Variants in TMEM126A observed in about 807,000 individuals in gnomAD.
TMEM126A encodes optic atrophy 7.
A neutral mutation model predicts 18.3 loss-of-function variants in TMEM126A; 10 were observed. The ratio of observed to expected loss-of-function variants is 0.55; its 90% confidence interval spans 0.34 to 0.93. TMEM126A has a LOEUF of 0.93. Ranked by LOEUF, TMEM126A falls within the 40% of genes least tolerant of loss-of-function variation. The pLI is 0.02. For synonymous variants in TMEM126A, 68 were observed against 78.1 expected (o/e 0.87, Z 0.68); for missense variants, 246 against 230.2 (o/e 1.07, Z -0.44).
chr11:85,656,021 T>C (rs1352361928), intron 4 of TMEM126A, among the ~76,000 whole-genome samples: 1 of 152,182 alleles, frequency 6.6e-6, no homozygotes, highest in East Asian at 1.9e-4. Context: ...TTTGAACACT[T>C]GCACTAAAGG....
At chr11:85,652,826 C>T (rs1428050946) in intron 2 of TMEM126A, among the ~76,000 whole-genome samples, 1 of 151,252 alleles carries the variant, frequency 6.6e-6, no homozygotes, top group Non-Finnish European at 1.5e-5. Context: ...ATTATATATA[C>T]ATACAGGCAA....
chr11:85,650,400 C>T (rs571374732), intron 2 of TMEM126A, 59 bp downstream of exon 2: 6 of 1,216,608 alleles, frequency 4.9e-6, no homozygotes, highest in Middle Eastern at 2.0e-4. Context: ...ACCATTGATT[C>T]ATTATCTCAA....
chr11:85,653,005 C>T (rs903841528), intron 2 of TMEM126A, among the ~76,000 whole-genome samples: 1 of 152,062 alleles, frequency 6.6e-6, no homozygotes, highest in Non-Finnish European at 1.5e-5. Context: ...GTTCTCCAGA[C>T]TGTCATCACT....
intron 3 of TMEM126A, among the ~76,000 whole-genome samples, chr11:85,654,716 G>A (rs1211795244): frequency 6.6e-6 from 1 of 152,144 alleles, no homozygotes; most frequent in Non-Finnish European, 1.5e-5. Context: ...TCTTCTCAAA[G>A]TGCTGGGATT....
chr11:85,655,934 AATACT>A (rs1332356799), intron 4 of TMEM126A, among the ~76,000 whole-genome samples: 1 of 152,194 alleles, frequency 6.6e-6, no homozygotes, highest in Non-Finnish European at 1.5e-5. Flanking sequence ...TTGTGTACTG[AATACT>A]AAACTAACTA....
intron 2 of TMEM126A, among the ~76,000 whole-genome samples, chr11:85,653,626 C>T (rs1324483793): frequency 6.6e-6 from 1 of 152,156 alleles, no homozygotes; most frequent in Non-Finnish European, 1.5e-5. Flanking sequence ...TAGGGTATTG[C>T]TTAAATGTTA....
chr11:85,653,423 G>A (rs537608194), intron 2 of TMEM126A, among the ~76,000 whole-genome samples: 33 of 152,300 alleles, frequency 2.2e-4, no homozygotes, highest in African/African-American at 7.7e-4. Context: ...AAGCTAAGTC[G>A]TAGTCTGAAA....
intron 3 of TMEM126A, 110 bp from the exon 4 acceptor site, chr11:85,655,484 A>T: frequency 1.2e-6 from 1 of 812,210 alleles, no homozygotes; most frequent in South Asian, 1.4e-5. Context: ...ATTACATTTG[A>T]TATATTACCT....
chr11:85,654,483 C>G (rs769825848), intron 3 of TMEM126A, among the ~76,000 whole-genome samples: 1 of 152,172 alleles, frequency 6.6e-6, no homozygotes, highest in Non-Finnish European at 1.5e-5. Flanking sequence ...TGGAGTTTTG[C>G]TCTTGTTGCC....
rs186768218 is a variant in TMEM126A at position 85,649,244 on chromosome 11, C to T, written c.-7-1005C>T. 7.9e-5 allele frequency among the ~76,000 whole-genome samples: 12 copies of T among 152,176 alleles called. No individual in the cohort carries two copies. In the East Asian group the frequency reaches 2.3e-3, roughly 29 times the overall value. On this transcript the variant is annotated intron_variant, in intron 1 of 4. Coordinates refer to ENST00000304511, the MANE Select transcript of TMEM126A (RefSeq NM_032273.4). ...GCCACTGCATCCAGCCTTTGTTTTTCTTAACTGTTACCCTGAAACCTGAGC... is the reference window on the plus strand; with the variant it reads ...GCCACTGCATCCAGCCTTTGTTTTTTTTAACTGTTACCCTGAAACCTGAGC...
chr11:85,651,822 T>C (rs1363120795), intron 2 of TMEM126A, among the ~76,000 whole-genome samples: 3 of 152,190 alleles, frequency 2.0e-5, no homozygotes, highest in East Asian at 1.9e-4. Context: ...AAAGGAACTA[T>C]GTCCATGTTT....
intron 2 of TMEM126A, among the ~76,000 whole-genome samples, chr11:85,652,727 A>G: frequency 6.6e-6 from 1 of 151,480 alleles, no homozygotes; most frequent in East Asian, 2.0e-4. Context: ...TGCAGATTTC[A>G]CTTGTACTAC....
intron 1 of TMEM126A, among the ~76,000 whole-genome samples, chr11:85,648,674 C>T (rs545634445): frequency 1.3e-5 from 2 of 152,138 alleles, no homozygotes; most frequent in Non-Finnish European, 2.9e-5. Context: ...GAGATTGTGT[C>T]TTATCATCTT....
At chr11:85,655,953 A>G (rs918118541) in intron 4 of TMEM126A, among the ~76,000 whole-genome samples, 1 of 152,184 alleles carries the variant, frequency 6.6e-6, no homozygotes, top group African/African-American at 2.4e-5. Context: ...CTAACTACAA[A>G]GCTGCAAACA....
chr11:85,655,886 A>C (rs941091807), intron 4 of TMEM126A, among the ~76,000 whole-genome samples, 178 bp downstream of exon 4: 6 of 151,862 alleles, frequency 4.0e-5, no homozygotes, highest in African/African-American at 1.4e-4. Context: ...AATTTCAAAC[A>C]GTTATACTTG....
At chr11:85,654,729 A>C (rs1280874760) in intron 3 of TMEM126A, among the ~76,000 whole-genome samples, 1 of 152,192 alleles carries the variant, frequency 6.6e-6, no homozygotes, top group Non-Finnish European at 1.5e-5. Flanking sequence ...CTGGGATTAC[A>C]GGCGTGAGCC....
intron 2 of TMEM126A, among the ~76,000 whole-genome samples, chr11:85,651,194 GTCTC>G: frequency 6.6e-6 from 1 of 152,170 alleles, no homozygotes; most frequent in East Asian, 1.9e-4. Flanking sequence ...AGTCAAGAAG[GTCTC>G]TCTGACTATA....
chr11:85,649,234 CTTTG>C (rs1176274646), intron 1 of TMEM126A, among the ~76,000 whole-genome samples: 7 of 152,296 alleles, frequency 4.6e-5, no homozygotes, highest in Admixed American at 3.3e-4. Flanking sequence ...TGCATCCAGC[CTTTG>C]TTTTTCTTAA....
intron 2 of TMEM126A, 106 bp from the exon 3 acceptor site, chr11:85,653,954 TGTC>T: frequency 7.8e-7 from 1 of 1,289,530 alleles, no homozygotes; most frequent in Non-Finnish European, 1.1e-6. Context: ...AAGGGATAGA[TGTC>T]GTATCCAGTT....
Sources: allele counts gnomAD v4.1 joint callset (sites outside exome capture counted in the v4.1 genomes callset), GRCh38; gene constraint gnomAD v4.1.1; transcripts MANE v1.5; gene names NCBI Gene and HGNC (gene_info 2026-07-23, HGNC 2026-07-21).